The following TEX38 variants were observed in gnomAD, a reference collection of about 807,000 sequenced individuals.
TEX38 encodes the protein testis expressed 38, also known as testis-expressed protein 38.
A neutral mutation model predicts 2.7 loss-of-function variants in TEX38; 5 were observed. That is an observed-to-expected ratio of 1.86 (90% CI 0.97 to 3.90). The LOEUF (loss-of-function observed/expected upper bound fraction) is 3.90, where lower values mean the gene tolerates loss of function less well. Among genes scored for constraint, TEX38 ranks in the 30% most tolerant of loss-of-function variants. The pLI, the probability that TEX38 is intolerant of heterozygous loss-of-function variation, is 0.00. For synonymous variants in TEX38, 110 were observed against 103.3 expected (o/e 1.06, Z -0.39); for missense variants, 218 against 247.9 (o/e 0.88, Z 0.81).
chr1:46,669,689 A>G (rs1676555001), upstream of TEX38, among the ~76,000 whole-genome samples: 3 of 152,186 alleles, frequency 2.0e-5, no homozygotes, highest in Non-Finnish European at 4.4e-5. Flanking sequence ...GCAGAAAAAC[A>G]GCAGGCCAAG....
chr1:46,673,152 A>C lies in TEX38; in HGVS notation c.317A>C (p.Asp106Ala). The C allele has an allele frequency of 6.4e-7, 1 of 1,551,660 alleles. No homozygotes were observed. The highest frequency in any genetic ancestry group is 1.2e-5 in the South Asian group (1 of 84,054). ...VQNPDVLWDLDIPEGRSHADQ... is the reference protein window; with the variant it reads ...VQNPDVLWDLAIPEGRSHADQ... ...AATCCAGATGTTCTGTGGGATTTGG[A>C]CATCCCCGAAGGCAGGAGCCATGCT... is the stretch of plus-strand genomic sequence containing the variant. Residue 106 changes from aspartate (D) to alanine (A), a missense_variant, in exon 2 of 2, where the codon GAC becomes GCC. Asp to Ala is a moderately radical substitution (Grantham distance 126). Coordinates refer to ENST00000334122, the MANE Select transcript of TEX38 (RefSeq NM_001145474.4).
intron 1 of TEX38, among the ~76,000 whole-genome samples, chr1:46,672,489 C>T (rs1390962007): frequency 6.6e-6 from 1 of 152,200 alleles, no homozygotes; most frequent in African/African-American, 2.4e-5. Context: ...AAGTGATCTG[C>T]CCACCTGGGC....
In TEX38 at chr1:46,673,215, C is replaced by T. The variant is rs1233389248; in HGVS notation, c.380C>T (p.Pro127Leu). ...AACCCCAAGGCGGAAGCCCCTGCTC[C>T]CCTGCAACCTGCACTGCAGCTGGCT... ...DSNPKAEAPA[P>L]LQPALQLAPQ... Residue 127 changes from proline (P) to leucine (L), a missense_variant, in exon 2 of 2, where the codon CCC becomes CTC. Pro to Leu is a moderately conservative substitution (Grantham distance 98). Transcript: ENST00000334122. 2 of 1,550,596 alleles carry T rather than the reference C, an allele frequency of 1.3e-6. No individual in the cohort carries two copies. Among genetic ancestry groups the T allele is most frequent in the Admixed American group, 3.9e-5 (2 of 50,970 alleles).
rs1267380594 is a variant in TEX38, at chr1:46,671,972, G to T, written c.37+1G>T. The stretch of plus-strand genomic sequence containing the variant: ...CAGGAGGACCTGCGCTTCCCTGGGA[G>T]TAAGTGCTCCTCCAGTCCCTGTCAC... On this transcript the variant is annotated splice_donor_variant, in intron 1 of 1. Coordinates refer to ENST00000334122, the MANE Select transcript of TEX38 (RefSeq NM_001145474.4). LOFTEE classifies it high-confidence loss of function. 1 of 1,536,716 alleles carries T rather than the reference G, an allele frequency of 6.5e-7. No homozygotes were observed. The highest frequency in any genetic ancestry group is 2.0e-5 in the Admixed American group (1 of 49,916).
chr1:46,671,055 T>C (rs541424513), upstream of TEX38, among the ~76,000 whole-genome samples: 1 of 152,246 alleles, frequency 6.6e-6, no homozygotes, highest in South Asian at 2.1e-4. Context: ...GGAGATGAAC[T>C]AGACAACTCT....
rs1242418599 is a variant in TEX38 at position 46,673,164 on chromosome 1, G to T, written c.329G>T (p.Gly110Val). The T allele has an allele frequency of 1.3e-6, 2 of 1,551,636 alleles. No individual in the cohort carries two copies. The highest frequency in any genetic ancestry group is 1.7e-6 in the Non-Finnish European group (2 of 1,146,960). Residue 110 changes from glycine to valine, a missense_variant, in exon 2 of 2, where the codon GGC becomes GTC. By Grantham distance (109) the Gly-to-Val change is moderately radical (BLOSUM62 -3). Coordinates refer to ENST00000334122, the MANE Select transcript of TEX38 (RefSeq NM_001145474.4). ...DVLWDLDIPE[G>V]RSHADQDSNP... ...CTGTGGGATTTGGACATCCCCGAAG[G>T]CAGGAGCCATGCTGACCAAGACAGC...
In TEX38 at chr1:46,673,048, G is replaced by T. The variant is rs201638656; in HGVS notation, c.213G>T (p.Lys71Asn). Residue 71 changes from lysine (K) to asparagine (N), a missense_variant, in exon 2 of 2, where the codon AAG becomes AAT. Transcript: ENST00000334122. ...TYSPLLYWIN[K>N]RRRYGMNAAI... ...GCCCATTGTTGTACTGGATTAACAA[G>T]CGACGGCGCTACGGCATGAATGCAG... is the stretch of plus-strand genomic sequence containing the variant. The T allele has an allele frequency of 3.9e-4, 601 of 1,551,746 alleles. No individual in the cohort carries two copies. The highest frequency in any genetic ancestry group is 6.9e-4 in the Admixed American group (35 of 51,010).
At chr1:46,671,106 T>C (rs1006599292), upstream of TEX38, among the ~76,000 whole-genome samples, 2 of 152,222 alleles carry the variant, frequency 1.3e-5, no homozygotes, top group Non-Finnish European at 2.9e-5. Context: ...TTCTGGGCAG[T>C]CTGTCACAGA....
At chr1:46,670,778 T>C (rs1676571046), upstream of TEX38, among the ~76,000 whole-genome samples, 1 of 151,992 alleles carries the variant, frequency 6.6e-6, no homozygotes, top group Non-Finnish European at 1.5e-5. Context: ...AAGTCACACA[T>C]TGGAGGACTA....
chr1:46,672,710 GGAAT>G (rs1197162549), intron 1 of TEX38, among the ~76,000 whole-genome samples, 159 bp from the exon 2 acceptor site: 1 of 152,204 alleles, frequency 6.6e-6, no homozygotes, highest in East Asian at 1.9e-4. Flanking sequence ...ACTGAATAAG[GGAAT>G]GATGAGGCAA....
chr1:46,670,331 G>A (rs1336659780), upstream of TEX38, among the ~76,000 whole-genome samples: 2 of 152,168 alleles, frequency 1.3e-5, no homozygotes, highest in African/African-American at 4.8e-5. Context: ...GCAGGTTTTT[G>A]GCCTGAACAA....
upstream of TEX38, chr1:46,669,216 C>T (rs954261985): frequency 8.5e-6 from 3 of 352,162 alleles, no homozygotes; most frequent in Non-Finnish European, 1.7e-5. Flanking sequence ...GGACAGTACT[C>T]ATCATCAGGT....
In TEX38 at chr1:46,672,944, C is replaced by T. The variant is rs966584397; in HGVS notation, c.109C>T (p.His37Tyr). 33 of 1,551,562 alleles carry T rather than the reference C, an allele frequency of 2.1e-5. No homozygotes were observed. Among genetic ancestry groups the T allele is most frequent in the African/African-American group, 2.7e-5 (2 of 73,030 alleles). The change falls in exon 2 of 2, where the codon CAC (histidine) becomes TAC (tyrosine). Residue 37 changes from histidine (H) to tyrosine (Y), a missense_variant. Transcript: ENST00000334122. ...VITGGCIIFL[H>Y]WRKNLRREEH... ...AACTGGAGGGTGCATTATCTTTCTG[C>T]ACTGGAGGAAGAACTTGAGGCGGGA...
At chr1:46,670,602 GA>G (rs1676569139), upstream of TEX38, among the ~76,000 whole-genome samples, 2 of 152,176 alleles carry the variant, frequency 1.3e-5, no homozygotes, top group South Asian at 2.1e-4. Context: ...CTGATGGAAT[GA>G]ATGTAGATAG....
At position 46,673,134 on chromosome 1, in the gene TEX38, A is replaced by C. The variant is rs1028309848; in HGVS notation, c.299A>C (p.Asp100Ala). Residue 100 changes from aspartate (D) to alanine (A), a missense_variant, in exon 2 of 2, where the codon GAT becomes GCT. Physicochemically the swap from Asp to Ala is moderately radical, Grantham distance 126 (BLOSUM62 -2). Transcript: ENST00000334122. ...ACTGAGACTGAGGTCCAGAATCCAG[A>C]TGTTCTGTGGGATTTGGACATCCCC... ...TKTETEVQNPDVLWDLDIPEG... is the reference protein window; with the variant it reads ...TKTETEVQNPAVLWDLDIPEG... 1 of 1,551,642 alleles carries C rather than the reference A, an allele frequency of 6.4e-7. No homozygotes were observed. The highest frequency in any genetic ancestry group is 2.0e-5 in the Admixed American group (1 of 50,992).
chr1:46,672,830 A>G, intron 1 of TEX38, 43 bp from the exon 2 acceptor site: 1 of 1,505,014 alleles, frequency 6.6e-7, no homozygotes, highest in Non-Finnish European at 9.0e-7. Flanking sequence ...CCCAAGCTAC[A>G]GCTATCAGCC....
chr1:46,669,911 G>A (rs1676558763), upstream of TEX38, among the ~76,000 whole-genome samples: 1 of 152,180 alleles, frequency 6.6e-6, no homozygotes, highest in South Asian at 2.1e-4. Context: ...TAAGGACTTT[G>A]ATTTTAAATC....
chr1:46,673,574 C>T lies in TEX38; in HGVS notation c.*118C>T. 1 of 793,264 alleles carries T rather than the reference C, an allele frequency of 1.3e-6. No individual in the cohort carries two copies. Among genetic ancestry groups the T allele is most frequent in the African/African-American group, 1.7e-5 (1 of 57,216 alleles). 49.1% of individuals were successfully genotyped at this position (793,264 alleles called of 1,614,324 possible). On this transcript the variant is annotated 3_prime_UTR_variant, in exon 2 of 2. Coordinates refer to ENST00000334122, the MANE Select transcript of TEX38 (RefSeq NM_001145474.4). ...CCCACCTGGATGTCATGCTATGAAA[C>T]ATTAAAAGAAAAAAAAAAAAGTCCA...
chr1:46,670,321 G>A (rs78221954), upstream of TEX38, among the ~76,000 whole-genome samples: 1,966 of 152,314 alleles, frequency 0.013, 49 homozygotes, highest in African/African-American at 0.045. Flanking sequence ...AGGATGACTT[G>A]CAGGTTTTTG....
Sources: allele counts gnomAD v4.1 joint callset (sites outside exome capture counted in the v4.1 genomes callset), GRCh38; gene constraint gnomAD v4.1.1; transcripts MANE v1.5; gene names NCBI Gene and HGNC (gene_info 2026-07-23, HGNC 2026-07-21).